DPP10: variants seen among roughly 807,000 people sequenced by gnomAD.
The protein encoded by DPP10 is dipeptidyl peptidase like 10.
DPP10 carries 33 observed loss-of-function variants against 120.9 expected under a neutral mutation model. That is an observed-to-expected ratio of 0.27 (90% CI 0.21 to 0.37). The LOEUF (loss-of-function observed/expected upper bound fraction) is 0.37. Ranked by LOEUF, DPP10 falls within the 10% of genes least tolerant of loss-of-function variation. The probability of loss-of-function intolerance (pLI) is 1.00; values close to 1 mark genes in which losing one functional copy is unlikely to be tolerated. For missense variants in DPP10, 816 were observed against 942.8 expected (o/e 0.87, Z 1.76); for synonymous variants, 337 against 326.1 (o/e 1.03, Z -0.36).
At chr2:115,786,094 G>A (rs148199283) in intron 17 of DPP10, among the ~76,000 whole-genome samples, 4 of 152,182 alleles carry the variant, frequency 2.6e-5, no homozygotes, top group African/African-American at 9.6e-5. Flanking sequence ...AGTTTGATGT[G>A]CCTGAGGTTA....
Position 115,341,262 on chromosome 2 carries a change from GT to G in DPP10, c.176-2546del, listed in dbSNP as rs1317772914. 1.8e-3 allele frequency among the ~76,000 whole-genome samples: 273 copies of G among 150,962 alleles called. 1 individual carries two copies. The highest frequency in any genetic ancestry group is 8.9e-3 in the South Asian group (42 of 4,742). On this transcript the variant is annotated intron_variant, in intron 2 of 25. Transcript: ENST00000410059. ...TGTAATACCCAGGGTTTTTTTAATAGTTTTTTTTTATAATAGATTATTTTTC... is the reference window on the plus strand; with the variant it reads ...TGTAATACCCAGGGTTTTTTTAATAGTTTTTTTTATAATAGATTATTTTTC...
intron 1 of DPP10, among the ~76,000 whole-genome samples, chr2:114,736,637 T>C (rs1298855512): frequency 3.9e-5 from 6 of 152,234 alleles, no homozygotes; most frequent in Non-Finnish European, 7.3e-5. Context: ...AGGTAAAGCT[T>C]ACTGTCTCCT....
At chr2:114,810,212 A>G (rs1333014259) in intron 1 of DPP10, among the ~76,000 whole-genome samples, 1 of 152,182 alleles carries the variant, frequency 6.6e-6, no homozygotes, top group Non-Finnish European at 1.5e-5. Flanking sequence ...CTTTATTATC[A>G]TAAATATGAA....
intron 19 of DPP10, among the ~76,000 whole-genome samples, chr2:115,798,021 A>G (rs1684740332): frequency 6.6e-6 from 1 of 151,758 alleles, no homozygotes; most frequent in African/African-American, 2.4e-5. Context: ...GTCTTCTGTT[A>G]ACATAGGTTT....
At chr2:114,895,723 A>G (rs1052694255) in intron 1 of DPP10, among the ~76,000 whole-genome samples, 1 of 152,210 alleles carries the variant, frequency 6.6e-6, no homozygotes, top group Admixed American at 6.5e-5. Flanking sequence ...TTAGCCTACT[A>G]TAACTGACAG....
chr2:114,923,237 G>A (rs1450483366), intron 1 of DPP10, among the ~76,000 whole-genome samples: 2 of 148,598 alleles, frequency 1.3e-5, no homozygotes, highest in African/African-American at 5.0e-5. Flanking sequence ...AGGCTGGAGT[G>A]CAGTGGCGCA....
intron 1 of DPP10, among the ~76,000 whole-genome samples, chr2:114,984,721 C>G (rs375738230): frequency 2.4e-4 from 37 of 152,260 alleles, no homozygotes; most frequent in African/African-American, 8.2e-4. Flanking sequence ...TAGCATTATC[C>G]TAGTTGGTTA....
chr2:115,410,506 A>G (rs2104573726), intron 3 of DPP10, among the ~76,000 whole-genome samples: 1 of 152,322 alleles, frequency 6.6e-6, no homozygotes, highest in South Asian at 2.1e-4. Context: ...ATGAGGAAGA[A>G]CACCTAATGG....
At chr2:115,125,375 T>C (rs1473637186) in intron 1 of DPP10, among the ~76,000 whole-genome samples, 1 of 152,140 alleles carries the variant, frequency 6.6e-6, no homozygotes, top group Non-Finnish European at 1.5e-5. Flanking sequence ...TCTTGGTTGG[T>C]GCTGTAAAAC....
chr2:115,445,574 T>A (rs1481808193), intron 3 of DPP10, among the ~76,000 whole-genome samples: 1 of 151,884 alleles, frequency 6.6e-6, no homozygotes, highest in Non-Finnish European at 1.5e-5. Context: ...ACTGGTGGAG[T>A]TTTGTCCCTG....
chr2:115,805,209 T>A (rs1685782366), intron 19 of DPP10, among the ~76,000 whole-genome samples: 1 of 152,084 alleles, frequency 6.6e-6, no homozygotes, highest in African/African-American at 2.4e-5. Context: ...CGAGGCTCGG[T>A]GGGCTTAGGA....
At chr2:115,629,308 T>C (rs1345363460) in intron 5 of DPP10, among the ~76,000 whole-genome samples, 1 of 152,130 alleles carries the variant, frequency 6.6e-6, no homozygotes, top group African/African-American at 2.4e-5. Context: ...CAGCATGATT[T>C]ATAATCCTTT....
At chr2:115,386,245 T>A (rs978278139) in intron 3 of DPP10, among the ~76,000 whole-genome samples, 2 of 152,126 alleles carry the variant, frequency 1.3e-5, no homozygotes, top group Non-Finnish European at 2.9e-5. Context: ...TATTCTGTGT[T>A]ATAAAAAGAG....
intron 1 of DPP10, among the ~76,000 whole-genome samples, chr2:114,773,651 T>A (rs1681469525): frequency 1.3e-5 from 2 of 152,206 alleles, no homozygotes; most frequent in Admixed American, 1.3e-4. Flanking sequence ...GCAAGCATTT[T>A]CCATTTTTAA....
Position 115,845,438 on chromosome 2 carries a change from G to A in DPP10, c.*3093G>A, listed in dbSNP as rs1027212884. 1 of 152,116 alleles carries A rather than the reference G, an allele frequency of 6.6e-6. No individual in the cohort carries two copies. The highest frequency in any genetic ancestry group is 1.5e-5 in the Non-Finnish European group (1 of 68,028). The allele number at this position is 152,116 out of a possible 1,614,324, so 9.4% of individuals were successfully genotyped here. ...ACCGATGTGAAGGTGTTACTAACCC[G>A]CTAAAACACAATTAATGAAAGACTG... On this transcript the variant is annotated 3_prime_UTR_variant, in exon 26 of 26. Coordinates refer to ENST00000410059, the MANE Select transcript of DPP10 (RefSeq NM_020868.6).
chr2:115,454,614 T>C (rs1475001463), intron 3 of DPP10, among the ~76,000 whole-genome samples: 4 of 151,796 alleles, frequency 2.6e-5, no homozygotes, highest in Admixed American at 2.0e-4. Context: ...GCGGATATAA[T>C]ACTTAATGGT....
chr2:114,710,520 G>A (rs1181758745), intron 1 of DPP10, among the ~76,000 whole-genome samples: 1 of 152,174 alleles, frequency 6.6e-6, no homozygotes, highest in Non-Finnish European at 1.5e-5. Context: ...CAAGGTGGGT[G>A]GATCACTTGA....
chr2:115,055,548 T>A (rs1296062194), intron 1 of DPP10, among the ~76,000 whole-genome samples: 2 of 152,194 alleles, frequency 1.3e-5, no homozygotes, highest in African/African-American at 4.8e-5. Context: ...CTCAAGTTCA[T>A]AATTTTTATA....
At chr2:114,774,004 G>T (rs1681501651) in intron 1 of DPP10, among the ~76,000 whole-genome samples, 1 of 151,624 alleles carries the variant, frequency 6.6e-6, no homozygotes, top group African/African-American at 2.4e-5. Context: ...TGATATATAG[G>T]TATGTGTATG....
Sources: allele counts gnomAD v4.1 joint callset (sites outside exome capture counted in the v4.1 genomes callset), GRCh38; gene constraint gnomAD v4.1.1; transcripts MANE v1.5; gene names NCBI Gene and HGNC (gene_info 2026-07-23, HGNC 2026-07-21).